The following STXBP5L variants were observed in gnomAD, a reference collection of about 807,000 sequenced individuals.
STXBP5L encodes syntaxin-binding protein 5-like.
A neutral mutation model predicts 144.5 loss-of-function variants in STXBP5L; 65 were observed. That is an observed-to-expected ratio of 0.45 (90% CI 0.37 to 0.55). STXBP5L has a LOEUF of 0.55. STXBP5L is among the 20% of genes least tolerant of loss of function. The probability of loss-of-function intolerance (pLI) is 0.00; values close to 1 mark genes in which losing one functional copy is unlikely to be tolerated. For synonymous variants in STXBP5L, 505 were observed against 469.6 expected (o/e 1.08, Z -0.97); for missense variants, 1,298 against 1,405.5 (o/e 0.92, Z 1.22).
intron 5 of STXBP5L, among the ~76,000 whole-genome samples, chr3:121,097,156 C>G (rs889959845): frequency 3.9e-5 from 6 of 152,176 alleles, no homozygotes; most frequent in Non-Finnish European, 1.5e-5. Context: ...ACTCAAGCTG[C>G]ACCAGTGGTG....
chr3:121,007,842 A>G (rs539305430), intron 3 of STXBP5L, among the ~76,000 whole-genome samples: 1 of 152,120 alleles, frequency 6.6e-6, no homozygotes, highest in South Asian at 2.1e-4. Flanking sequence ...ACAGATACAC[A>G]TCTTTTACTA....
At chr3:120,928,059 G>A (rs1308469198) in intron 2 of STXBP5L, among the ~76,000 whole-genome samples, 1 of 152,016 alleles carries the variant, frequency 6.6e-6, no homozygotes, top group Non-Finnish European at 1.5e-5. Context: ...GAAAGATCAG[G>A]GAGGGAAGTA....
At chr3:121,340,410 C>T (rs1458409167) in intron 20 of STXBP5L, among the ~76,000 whole-genome samples, 1 of 151,690 alleles carries the variant, frequency 6.6e-6, no homozygotes, top group Non-Finnish European at 1.5e-5. Context: ...ATACATGTGC[C>T]CAAGTTGGTT....
intron 9 of STXBP5L, among the ~76,000 whole-genome samples, chr3:121,183,235 T>A (rs9878635): frequency 0.099 from 15,114 of 152,008 alleles, 1,181 homozygotes; most frequent in Admixed American, 0.2. Flanking sequence ...ACTAGAACAA[T>A]ACAAGGATGC....
intron 3 of STXBP5L, among the ~76,000 whole-genome samples, chr3:121,026,558 T>C (rs1460269655): frequency 2.6e-5 from 4 of 152,202 alleles, no homozygotes; most frequent in Admixed American, 1.3e-4. Context: ...CTCAATGGTT[T>C]GGCAGTTAGG....
chr3:121,315,152 T>A (rs1205318438), intron 19 of STXBP5L, among the ~76,000 whole-genome samples: 1 of 152,130 alleles, frequency 6.6e-6, no homozygotes, highest in African/African-American at 2.4e-5. Context: ...CCCAAAGGAT[T>A]ATAAATCATG....
Position 121,247,426 on chromosome 3 carries a change from C to T in STXBP5L, c.1401-3297C>T, listed in dbSNP as rs528502463. 3.3e-5 allele frequency among the ~76,000 whole-genome samples: 5 copies of T among 152,230 alleles called. No individual in the cohort carries two copies. The South Asian group carries it at 1.0e-3, about 32-fold the overall frequency. Reference sequence around the variant, plus strand: ...ACATGGGTATATTAGACACAGGTAGCGAGCATAATACCCAATAGGTAGTTT... The same window carrying T: ...ACATGGGTATATTAGACACAGGTAGTGAGCATAATACCCAATAGGTAGTTT... On this transcript the variant is annotated intron_variant, in intron 14 of 26. Transcript: ENST00000471454.
chr3:120,955,668 T>C (rs539069024), intron 3 of STXBP5L, among the ~76,000 whole-genome samples: 1 of 152,122 alleles, frequency 6.6e-6, no homozygotes, highest in African/African-American at 2.4e-5. Context: ...TTGCTCCAAT[T>C]GTAGCATCTT....
intron 2 of STXBP5L, among the ~76,000 whole-genome samples, chr3:120,952,169 G>C (rs909515926): frequency 1.5e-3 from 226 of 148,012 alleles, no homozygotes; most frequent in African/African-American, 5.3e-3. Context: ...GTGGGGGGAT[G>C]GGGGAGGGAT....
At chr3:121,157,390 T>TAA in intron 8 of STXBP5L, 114 bp from the exon 9 acceptor site, 1 of 1,138,314 alleles carries the variant, frequency 8.8e-7, no homozygotes, top group Non-Finnish European at 1.2e-6. Flanking sequence ...TTATGTTTTT[T>TAA]AAGTGTTGTT....
chr3:121,191,701 A>G (rs1482553490), intron 9 of STXBP5L, among the ~76,000 whole-genome samples: 4 of 152,182 alleles, frequency 2.6e-5, no homozygotes, highest in African/African-American at 9.7e-5. Flanking sequence ...TCCAACCCGA[A>G]TGTCCATCAG....
intron 2 of STXBP5L, among the ~76,000 whole-genome samples, chr3:120,911,162 A>G (rs1271449196): frequency 3.9e-5 from 6 of 152,128 alleles, no homozygotes; most frequent in Non-Finnish European, 8.8e-5. Context: ...AAACTGGTAT[A>G]GGAAAGATAG....
At chr3:121,327,664 A>G (rs978916856) in intron 20 of STXBP5L, among the ~76,000 whole-genome samples, 7 of 152,200 alleles carry the variant, frequency 4.6e-5, no homozygotes, top group African/African-American at 1.7e-4. Flanking sequence ...CATATTTATT[A>G]AAGTACAATT....
At chr3:121,190,232 A>G (rs991638642) in intron 9 of STXBP5L, among the ~76,000 whole-genome samples, 1 of 152,160 alleles carries the variant, frequency 6.6e-6, no homozygotes, top group Non-Finnish European at 1.5e-5. Context: ...GTCCCTGGGA[A>G]CTAGGGATTA....
chr3:121,387,174 C>T (rs2046446668), intron 22 of STXBP5L, among the ~76,000 whole-genome samples: 1 of 152,130 alleles, frequency 6.6e-6, no homozygotes. Flanking sequence ...AGCATTTTTT[C>T]ATGTGTCTGT....
chr3:120,977,273 T>G (rs1576546493), intron 3 of STXBP5L, among the ~76,000 whole-genome samples: 1 of 152,212 alleles, frequency 6.6e-6, no homozygotes, highest in Non-Finnish European at 1.5e-5. Flanking sequence ...CTCTTCTTGT[T>G]GAATTGATCC....
intron 19 of STXBP5L, among the ~76,000 whole-genome samples, chr3:121,309,595 C>CA (rs1471385709): frequency 6.6e-6 from 1 of 151,836 alleles, no homozygotes; most frequent in Non-Finnish European, 1.5e-5. Flanking sequence ...GACAGAAGAT[C>CA]AAAAAAGAAT....
intron 20 of STXBP5L, among the ~76,000 whole-genome samples, chr3:121,323,225 G>A (rs1409247198): frequency 3.3e-5 from 5 of 152,054 alleles, no homozygotes; most frequent in Admixed American, 2.0e-4. Context: ...TGTTTTTGTT[G>A]CAATTGTTTT....
intron 19 of STXBP5L, among the ~76,000 whole-genome samples, chr3:121,306,714 C>T (rs897475511): frequency 6.6e-6 from 1 of 152,062 alleles, no homozygotes; most frequent in African/African-American, 2.4e-5. Context: ...TAATTAGGGG[C>T]AACAGACTAG....
Sources: gnomAD v4.1 joint callset for allele counts (sites outside exome capture counted in the v4.1 genomes callset) on GRCh38, gnomAD v4.1.1 for gene constraint, MANE v1.5 for transcripts, NCBI Gene and HGNC (gene_info 2026-07-23, HGNC 2026-07-21) for gene names.